Variants in KRT7 observed in about 807,000 individuals in gnomAD.
KRT7 encodes keratin 7, also known as keratin, type II cytoskeletal 7.
A neutral mutation model predicts 42.8 loss-of-function variants in KRT7; 50 were observed. The observed-to-expected ratio is 1.17, with a 90% CI of 0.93 to 1.48. The LOEUF (loss-of-function observed/expected upper bound fraction) is 1.48, where lower values mean the gene tolerates loss of function less well. Among genes scored for constraint, KRT7 ranks in the 40% most tolerant of loss-of-function variants. The pLI, the probability that KRT7 is intolerant of heterozygous loss-of-function variation, is 0.00. For synonymous variants in KRT7, 268 were observed against 266.3 expected (o/e 1.01, Z -0.06); for missense variants, 588 against 637.6 (o/e 0.92, Z 0.84).
Position 52,245,636 on chromosome 12 carries a change from A to AGGAC in KRT7, c.1205+5_1205+8dup. On this transcript the variant is annotated splice_donor_region_variant and intron_variant, in intron 7 of 8. Transcript: ENST00000331817. ...TGCTGGAGGGCGAGGAGAGCCGGTG[A>AGGAC]GGACAAGGAACCTGGAAAGGGGATG... 1.9e-6 allele frequency: 3 copies of AGGAC among 1,613,278 alleles called. No individual in the cohort carries two copies. The highest frequency in any genetic ancestry group is 2.5e-6 in the Non-Finnish European group (3 of 1,180,018).
downstream of KRT7, chr12:52,254,478 CT>C: frequency 2.2e-6 from 1 of 456,330 alleles, no homozygotes; most frequent in Admixed American, 2.6e-5. Context: ...TGGAAACCCT[CT>C]GTACGTGCTC....
At chr12:52,254,472 A>G (rs1042645857), downstream of KRT7, 5 of 472,904 alleles carry the variant, frequency 1.1e-5, no homozygotes, top group African/African-American at 9.9e-5. Context: ...CTTCCCTGGA[A>G]ACCCTCTGTA....
rs757238331 is a variant in KRT7 at position 52,245,552 on chromosome 12, C to T, written c.1125C>T (p.Tyr375=). ...ATATGGCACGGCAGCTGCGTGAGTA[C>T]CAGGAACTCATGAGCGTGAAGCTGG... ...KQDMARQLRE[Y]QELMSVKLAL... Residue 375 remains tyrosine, a synonymous_variant, in exon 7 of 9, where the codon TAC becomes TAT. Coordinates refer to ENST00000331817, the MANE Select transcript of KRT7 (RefSeq NM_005556.4). 8 of 1,614,134 alleles carry T rather than the reference C, an allele frequency of 5.0e-6. No homozygotes were observed. Among genetic ancestry groups the T allele is most frequent in the South Asian group, 2.2e-5 (2 of 91,074 alleles).
intron 6 of KRT7, 190 bp from the exon 7 acceptor site, chr12:52,245,222 G>C: frequency 1.6e-6 from 1 of 616,802 alleles, no homozygotes. Flanking sequence ...AAGTGGCAGA[G>C]CCAGAACTGG....
chr12:52,250,580 C>T (rs1313367895), downstream of KRT7: 3 of 1,265,464 alleles, frequency 2.4e-6, no homozygotes, highest in East Asian at 2.6e-5. Flanking sequence ...TGCCCGTCAC[C>T]GGCCGGGAGC....
At chr12:52,252,455 G>A (rs142275875), downstream of KRT7, 4,132 of 1,614,044 alleles carry the variant, frequency 2.6e-3, 142 homozygotes, top group East Asian at 0.069. Flanking sequence ...GCTCAGACTG[G>A]GCCACCGCGG....
intron 1 of KRT7, among the ~76,000 whole-genome samples, chr12:52,234,143 G>GCCCCT (rs1555181977): frequency 1.2e-4 from 15 of 123,150 alleles, no homozygotes; most frequent in Non-Finnish European, 1.6e-4. Flanking sequence ...GGGGGCTCCC[G>GCCCCT]CCCCTCCCCT....
chr12:52,238,105 G>A (rs947939202), intron 3 of KRT7, among the ~76,000 whole-genome samples: 2 of 152,148 alleles, frequency 1.3e-5, no homozygotes, highest in Admixed American at 6.5e-5. Flanking sequence ...CCTGGGAGCT[G>A]GGCCCTTGGA....
In KRT7 at chr12:52,238,546, T is replaced by C. The variant is rs1942040523; in HGVS notation, c.598-134T>C. 4.6e-6 allele frequency: 3 copies of C among 651,740 alleles called. No homozygotes were observed. The East Asian group carries it at 8.0e-5, about 17-fold the overall frequency. 40.4% of individuals were successfully genotyped at this position (651,740 alleles called of 1,614,324 possible). ...ATGCTGTGACCATGTACAGCAGCTG[T>C]AGAAACTGTTTCTGGGTAGGGCAGT... On this transcript the variant is annotated intron_variant, in intron 3 of 8. Coordinates refer to ENST00000331817, the MANE Select transcript of KRT7 (RefSeq NM_005556.4).
chr12:52,253,487 C>T (rs1174879068), downstream of KRT7: 2 of 1,549,734 alleles, frequency 1.3e-6, no homozygotes, highest in Non-Finnish European at 1.8e-6. Context: ...GAGAGGCAGC[C>T]CTTATCTTCC....
downstream of KRT7, chr12:52,254,128 A>G: frequency 4.7e-6 from 2 of 428,728 alleles, no homozygotes; most frequent in Non-Finnish European, 4.5e-6. Flanking sequence ...GTCAAGCCAC[A>G]CTTCTTCACC....
chr12:52,237,841 A>G (rs1942033358), intron 3 of KRT7: 2 of 297,000 alleles, frequency 6.7e-6, no homozygotes, highest in South Asian at 2.7e-4. Context: ...GGGAGATTTC[A>G]ACACTGAATA....
chr12:52,249,006 C>G (rs1053586959), downstream of KRT7: 4 of 357,560 alleles, frequency 1.1e-5, no homozygotes, highest in East Asian at 1.4e-4. Context: ...GACTAGGAAG[C>G]CTTTTGTGCA....
chr12:52,253,089 T>A, downstream of KRT7: 1 of 895,544 alleles, frequency 1.1e-6, no homozygotes, highest in Non-Finnish European at 1.8e-6. Flanking sequence ...GAGGAGGCTG[T>A]CTGTCCTCAT....
At chr12:52,237,648 GC>G in intron 3 of KRT7, 79 bp downstream of exon 3, 2 of 1,259,536 alleles carry the variant, frequency 1.6e-6, no homozygotes, top group Non-Finnish European at 2.3e-6. Context: ...CACCTGAGCA[GC>G]CCATGGGGAC....
downstream of KRT7, chr12:52,252,236 A>G (rs1197918518): frequency 6.2e-7 from 1 of 1,612,512 alleles, no homozygotes; most frequent in African/African-American, 1.3e-5. Flanking sequence ...CTGAGGGGAC[A>G]CCCTCCCCAC....
At chr12:52,252,584 C>A, downstream of KRT7, 1 of 1,434,496 alleles carries the variant, frequency 7.0e-7, no homozygotes, top group South Asian at 1.3e-5. Context: ...GAGGCCTTGT[C>A]TATTTGTTAG....
chr12:52,255,832 A>G (rs1485366719), downstream of KRT7, among the ~76,000 whole-genome samples: 1 of 152,212 alleles, frequency 6.6e-6, no homozygotes, highest in Non-Finnish European at 1.5e-5. Flanking sequence ...TGAATTAATG[A>G]AATAAACATA....
At chr12:52,251,688 C>A (rs1260780430), downstream of KRT7, 1 of 305,638 alleles carries the variant, frequency 3.3e-6, no homozygotes, top group African/African-American at 2.2e-5. Context: ...TTCCATCCAT[C>A]CTTGACCTAA....
Sources: gnomAD v4.1 joint callset for allele counts (sites outside exome capture counted in the v4.1 genomes callset) on GRCh38, gnomAD v4.1.1 for gene constraint, MANE v1.5 for transcripts, NCBI Gene and HGNC (gene_info 2026-07-23, HGNC 2026-07-21) for gene names.